The following SCMH1 variants were observed in gnomAD, a reference collection of about 807,000 sequenced individuals.
The protein encoded by SCMH1 is polycomb protein SCMH1.
In SCMH1, 37 loss-of-function variants were observed where a neutral mutation model predicts 70.8. The observed-to-expected ratio is 0.52, with a 90% CI of 0.40 to 0.69. The LOEUF is 0.69. SCMH1 is among the 30% of genes least tolerant of loss of function. The pLI, the probability that SCMH1 is intolerant of heterozygous loss-of-function variation, is 0.00. For missense variants in SCMH1, 607 were observed against 827.3 expected (o/e 0.73, Z 3.27); for synonymous variants, 292 against 307.4 (o/e 0.95, Z 0.52).
chr1:41,156,298 T>C (rs1645536882), intron 4 of SCMH1, among the ~76,000 whole-genome samples: 1 of 152,202 alleles, frequency 6.6e-6, no homozygotes, highest in Non-Finnish European at 1.5e-5. Context: ...GAACCCAAAT[T>C]CTTAAAAACA....
chr1:41,219,072 G>C (rs1371580788), intron 1 of SCMH1, among the ~76,000 whole-genome samples: 3 of 152,156 alleles, frequency 2.0e-5, no homozygotes, highest in African/African-American at 7.2e-5. Flanking sequence ...CCTGAACATT[G>C]AGTTATCAAT....
At chr1:41,028,480 C>T in intron 14 of SCMH1, 104 bp downstream of exon 15, 1 of 1,533,484 alleles carries the variant, frequency 6.5e-7, no homozygotes, top group Non-Finnish European at 8.9e-7. Flanking sequence ...TTCTCCTCAG[C>T]CTTTGTCTCT....
At chr1:41,047,453 A>T (rs1161974242) in intron 11 of SCMH1, among the ~76,000 whole-genome samples, 1 of 147,954 alleles carries the variant, frequency 6.8e-6, no homozygotes, top group East Asian at 2.0e-4. Flanking sequence ...CTGGGGTGCA[A>T]TGGCACGATC....
intron 10 of SCMH1, among the ~76,000 whole-genome samples, chr1:41,051,155 T>C (rs1047301525): frequency 1.3e-5 from 2 of 152,186 alleles, no homozygotes; most frequent in Admixed American, 1.3e-4. Flanking sequence ...TATATGACAG[T>C]GTTCCCATGG....
chr1:41,106,453 T>G (rs1667953706), intron 8 of SCMH1, among the ~76,000 whole-genome samples: 1 of 151,796 alleles, frequency 6.6e-6, no homozygotes. Flanking sequence ...TGCAGCACCG[T>G]GTTTATACAG....
chr1:41,062,120 A>C (rs1252155469), intron 10 of SCMH1, among the ~76,000 whole-genome samples: 1 of 151,752 alleles, frequency 6.6e-6, no homozygotes. Context: ...CTGGCCTCAG[A>C]CTCCCAAAGT....
intron 4 of SCMH1, 76 bp from the exon 5 acceptor site, chr1:41,151,760 C>T (rs575402501): frequency 1.0e-6 from 1 of 959,906 alleles, no homozygotes; most frequent in South Asian, 1.5e-5. Context: ...CTACACTAAA[C>T]AGTAAGCTAT....
chr1:41,185,577 T>A (rs1649957036), intron 2 of SCMH1, among the ~76,000 whole-genome samples: 1 of 152,166 alleles, frequency 6.6e-6, no homozygotes, highest in African/African-American at 2.4e-5. Context: ...GTGGACAAAT[T>A]CATTAAATAA....
At chr1:41,075,475 T>C (rs377222433) in intron 8 of SCMH1, 24 bp from the exon 9 acceptor site, 4 of 1,575,746 alleles carry the variant, frequency 2.5e-6, no homozygotes, top group Non-Finnish European at 3.5e-6. Flanking sequence ...ACTCATTCTA[T>C]CACCCTCCCT....
chr1:41,150,607 A>C (rs1644981693), intron 5 of SCMH1, among the ~76,000 whole-genome samples: 1 of 152,190 alleles, frequency 6.6e-6, no homozygotes. Context: ...TCAAATGAGC[A>C]GAAGTCCTGA....
chr1:41,028,388 C>G, intron 14 of SCMH1, 69 bp from the exon 16 acceptor site: 2 of 1,590,764 alleles, frequency 1.3e-6, no homozygotes, highest in Non-Finnish European at 8.6e-7. Context: ...TCTGACCACC[C>G]CAGGTTCTGA....
chr1:41,086,581 G>C (rs1661736617), intron 8 of SCMH1, among the ~76,000 whole-genome samples: 1 of 151,574 alleles, frequency 6.6e-6, no homozygotes, highest in Non-Finnish European at 1.5e-5. Flanking sequence ...CCTGGAGCTG[G>C]ATAAGTTGAC....
Position 41,113,460 on chromosome 1 carries a change from T to G in SCMH1, c.568A>C (p.Asn190His). The stretch of plus-strand genomic sequence containing the variant: ...GTGGCTGGGCAAATGAAATGAGGGT[T>G]CTTCCTGTCCACAGCTTCTAGCTTC... The change falls in exon 8 of 15, where the codon AAC becomes CAC. Residue 190 changes from asparagine (N) to histidine (H), a missense_variant. By Grantham distance (68) the Asn-to-His change is moderately conservative. This residue lies in a region of SCMH1 where 105 missense variants were observed against 214.5 expected (regional missense o/e 0.49). Transcript: ENST00000337495. The surrounding 1 kb of genome is among the most constrained non-coding windows in gnomAD (Gnocchi z 4.3). The G allele has an allele frequency of 6.2e-7, 1 of 1,614,108 alleles. No individual in the cohort carries two copies. The highest frequency in any genetic ancestry group is 8.5e-7 in the Non-Finnish European group (1 of 1,179,992).
intron 1 of SCMH1, among the ~76,000 whole-genome samples, chr1:41,205,527 C>T (rs908375764): frequency 3.3e-5 from 5 of 152,074 alleles, no homozygotes; most frequent in South Asian, 2.1e-4. Flanking sequence ...ACTGCATCCT[C>T]GCGGGGGGGA....
At chr1:41,108,768 C>T (rs528701469) in intron 8 of SCMH1, among the ~76,000 whole-genome samples, 10 of 152,262 alleles carry the variant, frequency 6.6e-5, no homozygotes, top group African/African-American at 2.4e-4. Context: ...ATGTAGGAGA[C>T]AGAGGCACAG....
chr1:41,083,081 C>T lies in SCMH1; in HGVS notation c.746-7630G>A, dbSNP rs563299066. The stretch of plus-strand genomic sequence containing the variant: ...AACTGGCACAAGACAGGGATGCCCT[C>T]TCTTACCACTCCTATTCAACATAGT... On this transcript the variant is annotated intron_variant, in intron 8 of 14. Coordinates refer to ENST00000337495, the Ensembl canonical transcript of SCMH1. Among the ~76,000 whole-genome samples the T allele has an allele frequency of 6.2e-3, 951 of 152,326 alleles. 15 individuals carry two copies. Among genetic ancestry groups the T allele is most frequent in the African/African-American group, 0.022 (910 of 41,566 alleles).
At chr1:41,048,787 C>T (rs1342376845) in exon 11 of SCMH1, 1 of 1,614,210 alleles carries the variant, frequency 6.2e-7, no homozygotes, top group Non-Finnish European at 8.5e-7. Context: ...CCTGCTGCAA[C>T]ACCACAGAGG....
At chr1:41,196,902 T>C (rs945241446) in intron 1 of SCMH1, among the ~76,000 whole-genome samples, 13 of 152,196 alleles carry the variant, frequency 8.5e-5, no homozygotes, top group African/African-American at 3.1e-4. Flanking sequence ...CAAAAGACAA[T>C]TCTCCAAAGA....
At chr1:41,045,025 A>G (rs1039985723) in intron 12 of SCMH1, among the ~76,000 whole-genome samples, 2 of 152,228 alleles carry the variant, frequency 1.3e-5, no homozygotes, top group African/African-American at 4.8e-5. Flanking sequence ...CCATTCATGC[A>G]TCCATTCTTT....
Sources: gnomAD v4.1 joint callset for allele counts (sites outside exome capture counted in the v4.1 genomes callset) on GRCh38, gnomAD v4.1.1 for gene constraint, gnomAD v4.1.1 regional missense constraint, Gnocchi (gnomAD v3.1) non-coding constraint, MANE v1.5 for transcripts, NCBI Gene and HGNC (gene_info 2026-07-23, HGNC 2026-07-21) for gene names.